Variants in PRICKLE1 observed in about 807,000 individuals in gnomAD.
PRICKLE1 encodes prickle planar cell polarity protein 1, also known as prickle-like protein 1.
Under a neutral mutation model 70.2 loss-of-function variants are expected in PRICKLE1, and 14 were observed. That is an observed-to-expected ratio of 0.20 (90% CI 0.13 to 0.31). The LOEUF is 0.31. Ranked by LOEUF, PRICKLE1 falls within the 10% of genes least tolerant of loss-of-function variation. The pLI, the probability that PRICKLE1 is intolerant of heterozygous loss-of-function variation, is 1.00. For missense variants in PRICKLE1, 821 were observed against 1,026.2 expected, an observed-to-expected ratio of 0.80 and a Z score of 2.73; for synonymous variants, 357 against 379.9, an observed-to-expected ratio of 0.94 and a Z score of 0.70.
chr12:42,581,746 CAA>C (rs71948536), intron 1 of PRICKLE1, among the ~76,000 whole-genome samples: 6 of 109,682 alleles, frequency 5.5e-5, no homozygotes, highest in Admixed American at 9.8e-5. Flanking sequence ...GACTCCATCT[CAA>C]AAAAAAAAAA....
chr12:42,485,239 G>GTT lies in PRICKLE1; in HGVS notation c.-48-12677_-48-12676dup, dbSNP rs556218718. ...AGCTACAAAGTAAGGCAGCTGAGAA[G>GTT]TTTTTTTTTTTTTTTTTTTTTTTTT... On this transcript the variant is annotated intron_variant, in intron 1 of 7. Transcript: ENST00000345127. The GTT allele has an allele frequency of 4.7e-3, 474 of 100,782 alleles. 18 individuals carry two copies. Among genetic ancestry groups the GTT allele is most frequent in the Middle Eastern group, 7.5e-3 (1 of 134 alleles). 6.2% of individuals were successfully genotyped at this position (100,782 alleles called of 1,614,324 possible). A position where few individuals can be genotyped will look rare whatever the true frequency, so the allele number is the denominator to read the frequency against.
chr12:42,545,895 C>CATAT (rs375757064), intron 1 of PRICKLE1, among the ~76,000 whole-genome samples: 5 of 144,972 alleles, frequency 3.4e-5, no homozygotes, highest in African/African-American at 7.6e-5. Context: ...AAAATATATC[C>CATAT]ATATATATAT....
chr12:42,535,706 C>T (rs754761209), intron 1 of PRICKLE1, among the ~76,000 whole-genome samples: 10 of 152,110 alleles, frequency 6.6e-5, no homozygotes, highest in African/African-American at 9.7e-5. Flanking sequence ...ATTGCTTGAG[C>T]CCAATAGTTT....
chr12:42,511,144 C>T (rs1939506146), intron 1 of PRICKLE1, among the ~76,000 whole-genome samples: 1 of 152,182 alleles, frequency 6.6e-6, no homozygotes, highest in South Asian at 2.1e-4. Flanking sequence ...GGGCACTGTG[C>T]CTGCAGGGCA....
chr12:42,509,502 G>A (rs934876469), intron 1 of PRICKLE1, among the ~76,000 whole-genome samples: 1 of 152,038 alleles, frequency 6.6e-6, no homozygotes, highest in Non-Finnish European at 1.5e-5. Flanking sequence ...CTTTATTTTA[G>A]TTGTCTGTTT....
chr12:42,579,142 C>A (rs1358418809), intron 1 of PRICKLE1, among the ~76,000 whole-genome samples: 1 of 152,134 alleles, frequency 6.6e-6, no homozygotes, highest in Non-Finnish European at 1.5e-5. Context: ...AGGTAGCTAT[C>A]ACAATAAATA....
At chr12:42,568,302 G>A (rs533113337) in intron 1 of PRICKLE1, among the ~76,000 whole-genome samples, 1 of 151,474 alleles carries the variant, frequency 6.6e-6, no homozygotes, top group East Asian at 2.0e-4. Context: ...AGCCTCCCAA[G>A]TAGCTGGGAC....
At chr12:42,485,996 G>A (rs1171286111) in intron 1 of PRICKLE1, among the ~76,000 whole-genome samples, 2 of 152,136 alleles carry the variant, frequency 1.3e-5, no homozygotes, top group Non-Finnish European at 1.5e-5. Context: ...TATTGTCAAG[G>A]GTGAACTTAT....
intron 1 of PRICKLE1, among the ~76,000 whole-genome samples, chr12:42,564,269 A>AAAAAAAAAAAAAG (rs71084673): frequency 3.2e-5 from 4 of 125,010 alleles, no homozygotes; most frequent in East Asian, 2.3e-4. Context: ...AAAAAAAAAA[A>AAAAAAAAAAAAAG]AAAGAAAAGA....
intron 1 of PRICKLE1, among the ~76,000 whole-genome samples, chr12:42,517,305 C>CTTTTT (rs1320622126): frequency 1.5e-5 from 1 of 64,970 alleles, no homozygotes. Flanking sequence ...CTCAGTCTGC[C>CTTTTT]ATTTTTTTTT....
chr12:42,555,240 G>C (rs780403767), intron 1 of PRICKLE1, among the ~76,000 whole-genome samples: 1 of 152,156 alleles, frequency 6.6e-6, no homozygotes, highest in East Asian at 1.9e-4. Flanking sequence ...GGAGGCAGAG[G>C]TTGTAGTGAG....
intron 1 of PRICKLE1, among the ~76,000 whole-genome samples, chr12:42,570,985 A>G (rs540339391): frequency 6.6e-5 from 10 of 152,358 alleles, no homozygotes; most frequent in African/African-American, 2.4e-4. Context: ...AAGCATTTAC[A>G]TATTAATGTC....
intron 7 of PRICKLE1, among the ~76,000 whole-genome samples, chr12:42,461,276 C>T (rs1450725528): frequency 6.6e-6 from 1 of 152,226 alleles, no homozygotes; most frequent in East Asian, 1.9e-4. Context: ...CTCTTCACAG[C>T]AGCCTGTTCA....
intron 1 of PRICKLE1, among the ~76,000 whole-genome samples, chr12:42,499,789 C>T (rs1939274159): frequency 6.6e-6 from 1 of 151,858 alleles, no homozygotes. Flanking sequence ...GTGCAGTGGA[C>T]TGATCTTGGC....
At chr12:42,563,495 C>A (rs958354617) in intron 1 of PRICKLE1, among the ~76,000 whole-genome samples, 1 of 150,320 alleles carries the variant, frequency 6.7e-6, no homozygotes, top group Non-Finnish European at 1.5e-5. Flanking sequence ...ATCAGGAGAT[C>A]GAGACCATCC....
At chr12:42,538,733 TTGCTC>T (rs1940057279) in intron 1 of PRICKLE1, among the ~76,000 whole-genome samples, 1 of 152,234 alleles carries the variant, frequency 6.6e-6, no homozygotes, top group Admixed American at 6.5e-5. Flanking sequence ...CCACATATTA[TTGCTC>T]TTCACATCCC....
At chr12:42,543,107 C>T (rs1940145452) in intron 1 of PRICKLE1, among the ~76,000 whole-genome samples, 1 of 152,196 alleles carries the variant, frequency 6.6e-6, no homozygotes, top group African/African-American at 2.4e-5. Context: ...GCCCTGATCT[C>T]AGGCTTCCCA....
At chr12:42,498,942 C>G (rs1354642350) in intron 1 of PRICKLE1, among the ~76,000 whole-genome samples, 1 of 152,226 alleles carries the variant, frequency 6.6e-6, no homozygotes, top group Non-Finnish European at 1.5e-5. Context: ...TGAGCTCTCA[C>G]TGCTCCAGAA....
At chr12:42,514,564 T>C (rs1939570627) in intron 1 of PRICKLE1, among the ~76,000 whole-genome samples, 1 of 152,210 alleles carries the variant, frequency 6.6e-6, no homozygotes. Flanking sequence ...GAGCTAAAAT[T>C]AAATCTGAAC....
Sources: gnomAD v4.1 joint callset for allele counts (sites outside exome capture counted in the v4.1 genomes callset) on GRCh38, gnomAD v4.1.1 for gene constraint, MANE v1.5 for transcripts, NCBI Gene and HGNC (gene_info 2026-07-23, HGNC 2026-07-21) for gene names.